The following FOXN3 variants were observed in gnomAD, a reference collection of about 807,000 sequenced individuals.
FOXN3 encodes forkhead box N3.
In FOXN3, 7 loss-of-function variants were observed where a neutral mutation model predicts 38.4. The observed-to-expected ratio is 0.18, with a 90% CI of 0.10 to 0.34. The LOEUF (loss-of-function observed/expected upper bound fraction) is 0.34. Among genes scored for constraint, FOXN3 ranks in the 10% least tolerant of loss-of-function variants. The pLI, the probability that FOXN3 is intolerant of heterozygous loss-of-function variation, is 1.00. For missense variants in FOXN3, 456 were observed against 613.4 expected, an observed-to-expected ratio of 0.74 and a Z score of 2.71; for synonymous variants, 230 against 242.2, an observed-to-expected ratio of 0.95 and a Z score of 0.47.
At chr14:89,249,344 C>T (rs11628298) in intron 4 of FOXN3, among the ~76,000 whole-genome samples, 94,595 of 151,996 alleles carry the variant, frequency 0.62, 29,396 homozygotes, top group Admixed American at 0.66. Context: ...CGCTTACTCA[C>T]ACTCACAGGC....
intron 1 of FOXN3, among the ~76,000 whole-genome samples, chr14:89,498,210 C>CTTTTTTTTTTTTTTTTT (rs547081117): frequency 1.2e-5 from 1 of 81,072 alleles, no homozygotes; most frequent in African/African-American, 5.8e-5. Flanking sequence ...CTCTCTCTCT[C>CTTTTTTTTTTTTTTTTT]TTTTTTTTTT....
chr14:89,378,470 G>A (rs17125790), intron 2 of FOXN3, among the ~76,000 whole-genome samples: 13,875 of 152,218 alleles, frequency 0.091, 852 homozygotes, highest in East Asian at 0.33. Context: ...CCTGCTGTAA[G>A]TGATCTGACA....
At chr14:89,315,267 C>T (rs150155833) in intron 3 of FOXN3, among the ~76,000 whole-genome samples, 21 of 152,228 alleles carry the variant, frequency 1.4e-4, no homozygotes, top group African/African-American at 5.1e-4. Context: ...GAATTATTGT[C>T]TCTTGGTGCA....
chr14:89,288,279 G>A (rs1039783509), intron 3 of FOXN3, among the ~76,000 whole-genome samples: 2 of 152,044 alleles, frequency 1.3e-5, no homozygotes, highest in African/African-American at 4.8e-5. Context: ...TACTCAGAGG[G>A]CAATGCACCA....
rs572764921 is a variant in FOXN3, at chr14:89,323,827, G to C, written c.680+26845C>G. ...GCAGAGGGGGCCAGTTCCTGACAGA[G>C]AGCAAAGGCAATTGGGGGTGGTGGT... is the stretch of plus-strand genomic sequence containing the variant. On this transcript the variant is annotated intron_variant, in intron 3 of 5. Transcript: ENST00000557258. 2.3e-4 allele frequency among the ~76,000 whole-genome samples: 35 copies of C among 152,344 alleles called. No homozygotes were observed. In the South Asian group the frequency reaches 4.8e-3, roughly 21 times the overall value.
chr14:89,325,426 C>A (rs995584183), intron 3 of FOXN3, among the ~76,000 whole-genome samples: 5 of 150,828 alleles, frequency 3.3e-5, no homozygotes, highest in Admixed American at 1.3e-4. Context: ...ACCTCTAACT[C>A]TGCACTGTAT....
chr14:89,360,740 C>CACCACCTCCACCACCACCACCACCACT (rs1889477240), intron 2 of FOXN3, among the ~76,000 whole-genome samples: 1 of 119,566 alleles, frequency 8.4e-6, no homozygotes, highest in East Asian at 2.9e-4. Flanking sequence ...CCACCTCCAG[C>CACCACCTCCACCACCACCACCACCACT]ACCACCTCCA....
intron 1 of FOXN3, among the ~76,000 whole-genome samples, chr14:89,544,323 G>T (rs900823599): frequency 6.6e-6 from 1 of 151,452 alleles, no homozygotes; most frequent in Non-Finnish European, 1.5e-5. Context: ...TTACAGGCGT[G>T]AGCCACTGTG....
At chr14:89,496,010 C>T (rs142603631) in intron 1 of FOXN3, among the ~76,000 whole-genome samples, 18 of 152,214 alleles carry the variant, frequency 1.2e-4, no homozygotes, top group Admixed American at 3.9e-4. Context: ...GTCAGGAGCT[C>T]GAGAACAGCT....
chr14:89,559,026 AGGAAT>A (rs1373842344), intron 1 of FOXN3, among the ~76,000 whole-genome samples: 1 of 152,074 alleles, frequency 6.6e-6, no homozygotes, highest in Non-Finnish European at 1.5e-5. Context: ...ACAAAGTCAT[AGGAAT>A]GTTTTTGTTT....
intron 2 of FOXN3, among the ~76,000 whole-genome samples, chr14:89,376,859 C>A (rs1037976224): frequency 1.3e-5 from 2 of 151,226 alleles, no homozygotes; most frequent in East Asian, 3.9e-4. Context: ...ACTAAAAATA[C>A]AAAAATTAGG....
At chr14:89,354,236 G>T (rs1043375009) in intron 2 of FOXN3, among the ~76,000 whole-genome samples, 12 of 146,926 alleles carry the variant, frequency 8.2e-5, no homozygotes, top group Non-Finnish European at 1.8e-4. Context: ...TTTTTTGTTT[G>T]TTTTTTCTTA....
intron 2 of FOXN3, among the ~76,000 whole-genome samples, chr14:89,368,302 C>A (rs1280160556): frequency 6.8e-6 from 1 of 147,332 alleles, no homozygotes; most frequent in African/African-American, 2.5e-5. Flanking sequence ...TGCACTCCAG[C>A]CTGGATAAAA....
intron 1 of FOXN3, among the ~76,000 whole-genome samples, chr14:89,590,533 T>G (rs1340519880): frequency 1.3e-5 from 2 of 152,152 alleles, no homozygotes; most frequent in African/African-American, 2.4e-5. Flanking sequence ...AAAGTGGGGA[T>G]GACGTGTGGG....
At chr14:89,349,745 T>C (rs1471180113) in intron 3 of FOXN3, 1 of 152,324 alleles carries the variant, frequency 6.6e-6, no homozygotes, top group Non-Finnish European at 1.5e-5. Context: ...TTTCAGAAGA[T>C]CACTTTGTGC....
chr14:89,390,238 ATATGC>A (rs1566975323), intron 2 of FOXN3, among the ~76,000 whole-genome samples: 3 of 149,678 alleles, frequency 2.0e-5, no homozygotes, highest in Non-Finnish European at 4.4e-5. Flanking sequence ...AAAAAAAAAA[ATATGC>A]ACTGGGCATG....
rs184254168 is a variant in FOXN3 at position 89,585,467 on chromosome 14, C to T, written c.-15+33561G>A. Among the ~76,000 whole-genome samples the T allele has an allele frequency of 3.3e-5, 5 of 152,080 alleles. No individual in the cohort carries two copies. The East Asian group carries it at 7.7e-4, about 24-fold the overall frequency. On this transcript the variant is annotated intron_variant, in intron 1 of 6. Coordinates refer to the FOXN3 transcript ENST00000345097. ...CATATGTATGCTAGAGAAATTCATT[C>T]CCCCCAGATCTTTGAGGTTTACTTT...
chr14:89,208,408 AC>A (rs1223728761), intron 4 of FOXN3, among the ~76,000 whole-genome samples: 1 of 152,088 alleles, frequency 6.6e-6, no homozygotes, highest in Non-Finnish European at 1.5e-5. Flanking sequence ...AGGGCTTTTT[AC>A]TGGGGAAAAG....
At chr14:89,383,346 T>C (rs566766940) in intron 2 of FOXN3, among the ~76,000 whole-genome samples, 14 of 152,252 alleles carry the variant, frequency 9.2e-5, no homozygotes, top group South Asian at 2.1e-4. Flanking sequence ...ACTAGCCTGA[T>C]AGAGCAGGCA....
Sources: gnomAD v4.1 joint callset for allele counts (sites outside exome capture counted in the v4.1 genomes callset) on GRCh38, gnomAD v4.1.1 for gene constraint, MANE v1.5 for transcripts, NCBI Gene and HGNC (gene_info 2026-07-23, HGNC 2026-07-21) for gene names.